C18orf32: variants seen among roughly 807,000 people sequenced by gnomAD.
The protein encoded by C18orf32 is UPF0729 protein C18orf32.
In C18orf32, 5 loss-of-function variants were observed where a neutral mutation model predicts 7.4. The observed-to-expected ratio is 0.68, with a 90% CI of 0.35 to 1.42. The LOEUF (loss-of-function observed/expected upper bound fraction) is 1.42, where lower values mean the gene tolerates loss of function less well. Among genes scored for constraint, C18orf32 ranks in the 40% most tolerant of loss-of-function variants. The pLI, the probability that C18orf32 is intolerant of heterozygous loss-of-function variation, is 0.04. For synonymous variants in C18orf32, 30 were observed against 29.3 expected, an observed-to-expected ratio of 1.02 and a Z score of -0.08; for missense variants, 88 against 92.4, an observed-to-expected ratio of 0.95 and a Z score of 0.19.
Position 49,477,874 on chromosome 18 carries a change from T to A in C18orf32, c.*4471A>T. The stretch of plus-strand genomic sequence containing the variant: ...ACACACTATATATATACACACTATA[T>A]ATATACACTATATATATATACACTA... On this transcript the variant is annotated 3_prime_UTR_variant, in exon 3 of 3. Transcript: ENST00000318240. The A allele has an allele frequency of 7.3e-6, 1 of 137,662 alleles. No individual in the cohort carries two copies. Among genetic ancestry groups the A allele is most frequent in the Non-Finnish European group, 1.5e-5 (1 of 66,056 alleles). 8.5% of individuals were successfully genotyped at this position (137,662 alleles called of 1,614,324 possible).
Position 49,480,776 on chromosome 18 carries a change from CATAA to C in C18orf32, c.*1565_*1568del, listed in dbSNP as rs2083654009. ...ACAGAGTGAGACCCTGTCTCAAAAA[CATAA>C]ATAAATAAAAATGATGTGCATATTT... On this transcript the variant is annotated 3_prime_UTR_variant, in exon 3 of 3. Transcript: ENST00000318240. 6.6e-6 allele frequency: 1 copy of C among 152,104 alleles called. No homozygotes were observed. The highest frequency in any genetic ancestry group is 6.6e-5 in the Admixed American group (1 of 15,258). The allele number at this position is 152,104 out of a possible 1,614,324, so 9.4% of individuals were successfully genotyped here. A position where few individuals can be genotyped will look rare whatever the true frequency, so the allele number is the denominator to read the frequency against.
rs1285988187 is a variant in C18orf32, at chr18:49,485,004, C to A, written c.-23-1233G>T. 2.6e-5 allele frequency among the ~76,000 whole-genome samples: 4 copies of A among 152,120 alleles called. No individual in the cohort carries two copies. The East Asian group carries it at 7.8e-4, about 30-fold the overall frequency. The stretch of plus-strand genomic sequence containing the variant: ...GGCTGAGGGGGAAGAATTGCTTGAA[C>A]CCGGGAGGTAGAGGTTGCGGTGAGC... On this transcript the variant is annotated intron_variant, in intron 1 of 2. Coordinates refer to ENST00000318240, the MANE Select transcript of C18orf32 (RefSeq NM_001035005.4).
Position 49,477,814 on chromosome 18 carries a change from A to ATAC in C18orf32, c.*4530_*4531insGTA, listed in dbSNP as rs2083630785. 2.1e-5 allele frequency: 2 copies of ATAC among 97,256 alleles called. No individual in the cohort carries two copies. Among genetic ancestry groups the ATAC allele is most frequent in the Admixed American group, 2.3e-4 (2 of 8,646 alleles). The allele number at this position is 97,256 out of a possible 1,614,324, so 6.0% of individuals were successfully genotyped here. A position where few individuals can be genotyped will look rare whatever the true frequency, so the allele number is the denominator to read the frequency against. On this transcript the variant is annotated 3_prime_UTR_variant, in exon 3 of 3. Coordinates refer to ENST00000318240, the MANE Select transcript of C18orf32 (RefSeq NM_001035005.4). The stretch of plus-strand genomic sequence containing the variant: ...AACAAACAAAAATATATATATATAC[A>ATAC]CACACTATATATATATACACATATA...
In C18orf32 at chr18:49,480,284, C is replaced by A. The variant is rs1263586682; in HGVS notation, c.*2061G>T. On this transcript the variant is annotated 3_prime_UTR_variant, in exon 3 of 3. Transcript: ENST00000318240. Reference sequence around the variant, plus strand: ...AGTGAGCTATGATGATGCCGCTGCACTCCAGCACCTGGGTGACAGTGAGAC... The same window carrying A: ...AGTGAGCTATGATGATGCCGCTGCAATCCAGCACCTGGGTGACAGTGAGAC... The A allele has an allele frequency of 6.6e-6, 1 of 152,162 alleles. No homozygotes were observed. Among genetic ancestry groups the A allele is most frequent in the Non-Finnish European group, 1.5e-5 (1 of 68,064 alleles). 9.4% of individuals were successfully genotyped at this position (152,162 alleles called of 1,614,324 possible). A position where few individuals can be genotyped will look rare whatever the true frequency, so the allele number is the denominator to read the frequency against.
rs2083651411 is a variant in C18orf32 at position 49,480,460 on chromosome 18, A to AT, written c.*1884dup. ...ATTAGAAACGTTGCAATATTACTTA[A>AT]TTTTTAAAAGATGATGTGTGGGCCA... On this transcript the variant is annotated 3_prime_UTR_variant, in exon 3 of 3. Transcript: ENST00000318240. 1 of 152,020 alleles carries AT rather than the reference A, an allele frequency of 6.6e-6. No homozygotes were observed. Among genetic ancestry groups the AT allele is most frequent in the Non-Finnish European group, 1.5e-5 (1 of 68,032 alleles). The allele number at this position is 152,020 out of a possible 1,614,324, so 9.4% of individuals were successfully genotyped here.
rs563130737 is a variant in C18orf32 at position 49,481,643 on chromosome 18, T to G, written c.*702A>C. 1 of 152,334 alleles carries G rather than the reference T, an allele frequency of 6.6e-6. No individual in the cohort carries two copies. Among genetic ancestry groups the G allele is most frequent in the East Asian group, 1.9e-4 (1 of 5,190 alleles). The allele number at this position is 152,334 out of a possible 1,614,324, so 9.4% of individuals were successfully genotyped here. A position where few individuals can be genotyped will look rare whatever the true frequency, so the allele number is the denominator to read the frequency against. On this transcript the variant is annotated 3_prime_UTR_variant, in exon 3 of 3. Transcript: ENST00000318240. ...CCCTTTTGAATATTTCAATAGACTTTAAAAGAAAATGAACTACCAGTTAAA... is the reference window on the plus strand; with the variant it reads ...CCCTTTTGAATATTTCAATAGACTTGAAAAGAAAATGAACTACCAGTTAAA...
At chr18:49,485,863 C>T (rs1027030394) in intron 1 of C18orf32, 1 of 152,022 alleles carries the variant, frequency 6.6e-6, no homozygotes, top group Admixed American at 6.6e-5. Flanking sequence ...CTCAAATGAT[C>T]CTCCCGCCTA....
rs1320579331 is a variant in C18orf32, at chr18:49,485,032, A to C, written c.-23-1261T>G. ...GGGAGGTAGAGGTTGCGGTGAGCCA[A>C]GATCATGCCACTGCATTCCAGCCTG... is the stretch of plus-strand genomic sequence containing the variant. On this transcript the variant is annotated intron_variant, in intron 1 of 2. Coordinates refer to ENST00000318240, the MANE Select transcript of C18orf32 (RefSeq NM_001035005.4). 3.9e-5 allele frequency among the ~76,000 whole-genome samples: 6 copies of C among 152,220 alleles called. No homozygotes were observed. The East Asian group carries it at 1.2e-3, about 30-fold the overall frequency.
chr18:49,484,161 T>C (rs1162341458), intron 1 of C18orf32, among the ~76,000 whole-genome samples: 951 of 75,570 alleles, frequency 0.013, 19 homozygotes, highest in African/African-American at 0.053. Context: ...TATATATATA[T>C]ATATATACAC....
At position 49,477,363 on chromosome 18, in the gene C18orf32, C is replaced by T. The variant is rs369218261; in HGVS notation, c.*4982G>A. The T allele has an allele frequency of 5.6e-4, 84 of 150,386 alleles. 2 individuals carry two copies. In the South Asian group the frequency reaches 0.014, roughly 26 times the overall value. The allele number at this position is 150,386 out of a possible 1,614,324, so 9.3% of individuals were successfully genotyped here. On this transcript the variant is annotated 3_prime_UTR_variant, in exon 3 of 3. Transcript: ENST00000318240. ...GCAACTTCCGCCTCCTGGACTTAAG[C>T]GATCCTCTCACCTCAGCCTCCAGAA...
chr18:49,485,580 T>A (rs1480707347), intron 1 of C18orf32, among the ~76,000 whole-genome samples: 1 of 150,210 alleles, frequency 6.7e-6, no homozygotes, highest in African/African-American at 2.4e-5. Flanking sequence ...AAAAATAAAA[T>A]AAAATAAAAT....
chr18:49,485,963 C>T (rs964236317), intron 1 of C18orf32: 2 of 151,446 alleles, frequency 1.3e-5, no homozygotes, highest in Non-Finnish European at 2.9e-5. Context: ...CCTGTAGTCC[C>T]AGGTATTTGG....
rs988328055 is a variant in C18orf32 at position 49,487,149 on chromosome 18, C to A, written c.-130G>T. 4 of 152,556 alleles carry A rather than the reference C, an allele frequency of 2.6e-5. No individual in the cohort carries two copies. The highest frequency in any genetic ancestry group is 5.9e-5 in the Non-Finnish European group (4 of 68,328). The allele number at this position is 152,556 out of a possible 1,614,324, so 9.5% of individuals were successfully genotyped here. A position where few individuals can be genotyped will look rare whatever the true frequency, so the allele number is the denominator to read the frequency against. ...TAGGACTCTGCGAGCGCGGCCCGGG[C>A]TGGGCCTGCGGAGCAGCTACAAAGC... On this transcript the variant is annotated 5_prime_UTR_variant, in exon 1 of 3. Transcript: ENST00000318240.
chr18:49,483,060 A>C (rs1274837321), intron 2 of C18orf32, among the ~76,000 whole-genome samples: 2 of 152,080 alleles, frequency 1.3e-5, no homozygotes, highest in Non-Finnish European at 2.9e-5. Context: ...TGACCTCCCC[A>C]AGTGCTGGGA....
Position 49,483,582 on chromosome 18 carries a change from A to C in C18orf32, c.165+2T>G. Reference sequence around the variant, plus strand: ...TTATTCAAGGCATGTGAATGTTCTTACCTTAAAGTTTACTTTGCCTTTGTT... The same window carrying C: ...TTATTCAAGGCATGTGAATGTTCTTCCCTTAAAGTTTACTTTGCCTTTGTT... On this transcript the variant is annotated splice_donor_variant, in intron 2 of 2. Coordinates refer to ENST00000318240, the MANE Select transcript of C18orf32 (RefSeq NM_001035005.4). LOFTEE classifies it high-confidence loss of function. 1 of 1,598,236 alleles carries C rather than the reference A, an allele frequency of 6.3e-7. No homozygotes were observed. The highest frequency in any genetic ancestry group is 8.5e-7 in the Non-Finnish European group (1 of 1,174,502).
rs986738521 is a variant in C18orf32 at position 49,484,322 on chromosome 18, G to C, written c.-23-551C>G. On this transcript the variant is annotated intron_variant, in intron 1 of 2. Coordinates refer to ENST00000318240, the MANE Select transcript of C18orf32 (RefSeq NM_001035005.4). The stretch of plus-strand genomic sequence containing the variant: ...AAGGTAAAGAAATAGGCCAGGTGCA[G>C]TGGCTCATGGCTGTAATCCCAGCAC... Among the ~76,000 whole-genome samples, 5 of 152,072 alleles carry C rather than the reference G, an allele frequency of 3.3e-5. No individual in the cohort carries two copies. In the East Asian group the frequency reaches 5.8e-4, roughly 18 times the overall value.
chr18:49,482,078 C>T lies in C18orf32; in HGVS notation c.*267G>A. 1 of 365,752 alleles carries T rather than the reference C, an allele frequency of 2.7e-6. No homozygotes were observed. 22.7% of individuals were successfully genotyped at this position (365,752 alleles called of 1,614,324 possible). A position where few individuals can be genotyped will look rare whatever the true frequency, so the allele number is the denominator to read the frequency against. On this transcript the variant is annotated 3_prime_UTR_variant, in exon 3 of 3. Coordinates refer to ENST00000318240, the MANE Select transcript of C18orf32 (RefSeq NM_001035005.4). Reference sequence around the variant, plus strand: ...GTAACATAATGTCTACTGGCACAAACCTTCTATTTAATCATATTATTCAAA... The same window carrying T: ...GTAACATAATGTCTACTGGCACAAATCTTCTATTTAATCATATTATTCAAA...
intron 1 of C18orf32, among the ~76,000 whole-genome samples, chr18:49,485,409 C>A (rs2083726985): frequency 6.6e-6 from 1 of 152,020 alleles, no homozygotes; most frequent in Non-Finnish European, 1.5e-5. Flanking sequence ...CAAAAATTAG[C>A]TGGGCGTGGT....
chr18:49,484,363 C>T (rs778686801), intron 1 of C18orf32, among the ~76,000 whole-genome samples: 1 of 151,850 alleles, frequency 6.6e-6, no homozygotes, highest in Non-Finnish European at 1.5e-5. Context: ...GAGGCCAAGG[C>T]GGGTGGATCA....
Sources: allele counts gnomAD v4.1 joint callset (sites outside exome capture counted in the v4.1 genomes callset), GRCh38; gene constraint gnomAD v4.1.1; transcripts MANE v1.5; gene names NCBI Gene and HGNC (gene_info 2026-07-23, HGNC 2026-07-21).